XPO7: variants seen among roughly 807,000 people sequenced by gnomAD.
The protein encoded by XPO7 is exportin 7.
In XPO7, 21 loss-of-function variants were observed where a neutral mutation model predicts 144.3. The ratio of observed to expected loss-of-function variants is 0.15; its 90% CI spans 0.10 to 0.21. XPO7 has a LOEUF of 0.21. XPO7 is among the 10% of genes least tolerant of loss of function. XPO7 has a pLI of 1.00. For synonymous variants in XPO7, 580 were observed against 499.6 expected (o/e 1.16, Z -2.15); for missense variants, 808 against 1,325.8 (o/e 0.61, Z 6.06).
intron 19 of XPO7, among the ~76,000 whole-genome samples, chr8:21,992,524 A>G (rs1812805234): frequency 6.6e-6 from 1 of 152,152 alleles, no homozygotes; most frequent in Non-Finnish European, 1.5e-5. Context: ...AGAAAGGTTT[A>G]AGAATTTCCA....
chr8:21,969,466 T>C lies in XPO7; in HGVS notation c.166-17T>C, dbSNP rs774856131. ...ACTCAATACAATTTTAAGTCCTTTT[T>C]CCCTCTCTTTTCACAGTCCTCTTAC... On this transcript the variant is annotated splice_polypyrimidine_tract_variant and intron_variant, in intron 2 of 27. Transcript: ENST00000252512. 7 of 1,606,082 alleles carry C rather than the reference T, an allele frequency of 4.4e-6. No individual in the cohort carries two copies. The highest frequency in any genetic ancestry group is 3.3e-4 in the Middle Eastern group (2 of 6,046).
chr8:21,955,393 G>A (rs1028020588), intron 1 of XPO7, among the ~76,000 whole-genome samples: 2 of 152,152 alleles, frequency 1.3e-5, no homozygotes, highest in African/African-American at 2.4e-5. Context: ...CAAATTTAAA[G>A]TACAGTGTTT....
At chr8:21,981,447 C>G (rs998938627) in intron 9 of XPO7, among the ~76,000 whole-genome samples, 1 of 152,316 alleles carries the variant, frequency 6.6e-6, no homozygotes, top group African/African-American at 2.4e-5. Context: ...GTGTGATCCT[C>G]CTGGGCTTCT....
At chr8:21,995,414 T>G in intron 20 of XPO7, 78 bp from the exon 21 acceptor site, 1 of 1,282,634 alleles carries the variant, frequency 7.8e-7, no homozygotes, top group Non-Finnish European at 1.1e-6. Context: ...AAGTTTTTGC[T>G]TGGCTAGTGC....
At chr8:21,990,765 T>C (rs2117381553) in intron 17 of XPO7, 46 bp from the exon 18 acceptor site, 2 of 1,586,852 alleles carry the variant, frequency 1.3e-6, no homozygotes, top group South Asian at 2.2e-5. Context: ...GCATTCTGCC[T>C]CTAACTCATG....
Position 21,994,462 on chromosome 8 carries a change from T to C in XPO7, c.2237+11T>C. On this transcript the variant is annotated intron_variant, in intron 20 of 27. Transcript: ENST00000252512. The stretch of plus-strand genomic sequence containing the variant: ...GCTCTTTGAATGGATGTATCCTAAC[T>C]CAAACTAGGAGCACACTACAGCCTG... 1 of 1,607,494 alleles carries C rather than the reference T, an allele frequency of 6.2e-7. No homozygotes were observed. Among genetic ancestry groups the C allele is most frequent in the Non-Finnish European group, 8.5e-7 (1 of 1,175,810 alleles).
chr8:21,980,631 C>T (rs1388859824), intron 9 of XPO7, among the ~76,000 whole-genome samples: 23 of 151,908 alleles, frequency 1.5e-4, no homozygotes, highest in African/African-American at 4.6e-4. Context: ...AAAAATTAGC[C>T]GGCCATGGTG....
At position 21,965,949 on chromosome 8, in the gene XPO7, A is replaced by G. The variant is rs181547649; in HGVS notation, c.19-908A>G. Among the ~76,000 whole-genome samples, 1,228 of 149,904 alleles carry G rather than the reference A, an allele frequency of 8.2e-3. 14 individuals carry two copies. Among genetic ancestry groups the G allele is most frequent in the African/African-American group, 0.029 (1,174 of 40,196 alleles). ...CCAATTTTTTCTTAAAGTCCAAACC[A>G]TTCCTTTAAAGGCTAACAGATGTTT... On this transcript the variant is annotated intron_variant, in intron 1 of 27. Transcript: ENST00000252512.
intron 19 of XPO7, among the ~76,000 whole-genome samples, chr8:21,992,252 G>A (rs1010718269): frequency 1.3e-5 from 2 of 151,588 alleles, no homozygotes; most frequent in Non-Finnish European, 2.9e-5. Context: ...TTTTAATCTC[G>A]GTTTTATCTT....
At position 21,968,064 on chromosome 8, in the gene XPO7, C is replaced by T. The variant is rs75338884; in HGVS notation, c.165+1061C>T. ...TTCCCAGTCGTGCTTACCTATATTACGCTCTTTCACAGATGAAAGAGAAAA... is the reference window on the plus strand; with the variant it reads ...TTCCCAGTCGTGCTTACCTATATTATGCTCTTTCACAGATGAAAGAGAAAA... On this transcript the variant is annotated intron_variant, in intron 2 of 27. Coordinates refer to ENST00000252512, the MANE Select transcript of XPO7 (RefSeq NM_015024.5). Among the ~76,000 whole-genome samples the T allele has an allele frequency of 7.0e-4, 106 of 152,260 alleles. No individual in the cohort carries two copies. The East Asian group carries it at 0.018, about 26-fold the overall frequency.
At position 21,987,124 on chromosome 8, in the gene XPO7, T is replaced by TG. The variant is rs755203067; in HGVS notation, c.1578-16dup. ...GATGTCCTGCTGTTGAGAGAATCATTGCTCCTCTTCCTCCAGGGTGCTCCA... is the reference window on the plus strand; with the variant it reads ...GATGTCCTGCTGTTGAGAGAATCATTGGCTCCTCTTCCTCCAGGGTGCTCCA... On this transcript the variant is annotated splice_polypyrimidine_tract_variant and intron_variant, in intron 13 of 27. Transcript: ENST00000252512. The TG allele has an allele frequency of 1.2e-6, 2 of 1,613,346 alleles. No individual in the cohort carries two copies. Among genetic ancestry groups the TG allele is most frequent in the Non-Finnish European group, 1.7e-6 (2 of 1,179,864 alleles).
In XPO7 at chr8:21,989,102, A is replaced by C. The variant is rs530831954; in HGVS notation, c.1868+19A>C. On this transcript the variant is annotated intron_variant, in intron 16 of 27. Coordinates refer to ENST00000252512, the MANE Select transcript of XPO7 (RefSeq NM_015024.5). ...CCATTGGATATCCTTTTCTAAGCTA[A>C]CTTCTGTGCACAACAGAAACTGGCA... The C allele has an allele frequency of 1.4e-5, 22 of 1,606,734 alleles. No individual in the cohort carries two copies. Among genetic ancestry groups the C allele is most frequent in the African/African-American group, 2.7e-5 (2 of 74,678 alleles).
At chr8:21,956,283 A>C (rs1446461651) in intron 1 of XPO7, among the ~76,000 whole-genome samples, 2 of 152,192 alleles carry the variant, frequency 1.3e-5, no homozygotes, top group East Asian at 3.8e-4. Flanking sequence ...GTCCAGAGCC[A>C]TGTGATTCCT....
intron 21 of XPO7, among the ~76,000 whole-genome samples, chr8:21,995,905 C>T (rs925900769): frequency 2.0e-5 from 3 of 152,076 alleles, no homozygotes; most frequent in Admixed American, 6.6e-5. Context: ...AGCTCCATCC[C>T]CCTGGGTTCA....
At chr8:21,944,741 C>CCCTGCCG (rs934280086) in intron 1 of XPO7, among the ~76,000 whole-genome samples, 1 of 152,060 alleles carries the variant, frequency 6.6e-6, no homozygotes, top group South Asian at 2.1e-4. Context: ...TTTTCCTAGG[C>CCCTGCCG]CCTGCCGCCT....
intron 5 of XPO7, 37 bp from the exon 6 acceptor site, chr8:21,974,633 T>C (rs1812169375): frequency 6.8e-7 from 1 of 1,468,426 alleles, no homozygotes; most frequent in East Asian, 2.4e-5. Flanking sequence ...TTTTTTGCAA[T>C]TAATTCTTTG....
rs1355840290 is a variant in XPO7, at chr8:21,976,472, G to A, written c.714G>A (p.Glu238=). ...ACTTCATCGGCACTTCCACTGATGA[G>A]TCCTCAGACGACCTGTGTACAGTGC... ...NFDFIGTSTD[E]SSDDLCTVQI... is the part of the protein sequence containing the mutation. The change falls in exon 7 of 28, where the codon GAG becomes GAA. Residue 238 remains glutamate, a synonymous_variant. Transcript: ENST00000252512. 2 of 1,613,994 alleles carry A rather than the reference G, an allele frequency of 1.2e-6. 1 individual carries two copies. The highest frequency in any genetic ancestry group is 2.2e-5 in the South Asian group (2 of 91,088).
chr8:21,945,545 A>T (rs192267589), intron 1 of XPO7, among the ~76,000 whole-genome samples: 24 of 152,360 alleles, frequency 1.6e-4, no homozygotes, highest in Admixed American at 1.5e-3. Flanking sequence ...AGGCCTTATG[A>T]AATTTTTAGC....
chr8:21,982,872 G>T, intron 11 of XPO7, 60 bp downstream of exon 11: 3 of 1,522,156 alleles, frequency 2.0e-6, no homozygotes, highest in Non-Finnish European at 2.6e-6. Context: ...ACTTCCTAGA[G>T]ATCAGACACC....
Sources: allele counts gnomAD v4.1 joint callset (sites outside exome capture counted in the v4.1 genomes callset), GRCh38; gene constraint gnomAD v4.1.1; transcripts MANE v1.5; gene names NCBI Gene and HGNC (gene_info 2026-07-23, HGNC 2026-07-21).